The following NADSYN1 variants were observed in gnomAD, a reference collection of about 807,000 sequenced individuals.
NADSYN1 encodes NAD synthetase 1.
NADSYN1 carries 80 observed loss-of-function variants against 99.3 expected under a neutral mutation model. The ratio of observed to expected loss-of-function variants is 0.81; its 90% CI spans 0.67 to 0.97. The LOEUF (loss-of-function observed/expected upper bound fraction) is 0.97, where lower values mean the gene tolerates loss of function less well. Ranked by LOEUF, NADSYN1 falls within the 50% of genes least tolerant of loss-of-function variation. The pLI is 0.00. For synonymous variants in NADSYN1, 385 were observed against 372.1 expected (o/e 1.03, Z -0.40); for missense variants, 859 against 948.5 (o/e 0.91, Z 1.24).
intron 3 of NADSYN1, among the ~76,000 whole-genome samples, chr11:71,461,203 C>T (rs1213243770): frequency 3.3e-5 from 5 of 152,088 alleles, no homozygotes; most frequent in Admixed American, 1.3e-4. Flanking sequence ...GTGAAAGCGC[C>T]GCCCTGATCT....
chr11:71,456,574 T>A (rs1223275326), intron 2 of NADSYN1, among the ~76,000 whole-genome samples: 1 of 152,224 alleles, frequency 6.6e-6, no homozygotes, highest in Non-Finnish European at 1.5e-5. Flanking sequence ...TGGCCTGATG[T>A]TGCCCAGATG....
At chr11:71,470,103 CAA>C (rs572045742) in intron 5 of NADSYN1, among the ~76,000 whole-genome samples, 59 of 152,286 alleles carry the variant, frequency 3.9e-4, no homozygotes, top group African/African-American at 1.2e-3. Context: ...TAGCGGCAGA[CAA>C]GAGAGAATGA....
At chr11:71,477,326 G>T (rs1403153317) in intron 9 of NADSYN1, 11 of 1,288,554 alleles carry the variant, frequency 8.5e-6, no homozygotes, top group Non-Finnish European at 1.1e-5. Context: ...CACACGGACC[G>T]TGGCTTTCTG....
At position 71,474,473 on chromosome 11, in the gene NADSYN1, G is replaced by A. The variant is rs1321466644; in HGVS notation, c.745G>A (p.Ala249Thr). 1.1e-5 allele frequency: 18 copies of A among 1,614,062 alleles called. No homozygotes were observed. The highest frequency in any genetic ancestry group is 1.3e-5 in the African/African-American group (1 of 74,936). Residue 249 changes from alanine to threonine, a missense_variant, in exon 9 of 21, where the codon GCC becomes ACC. Ala to Thr is a moderately conservative substitution (Grantham distance 58). Transcript: ENST00000319023. ...GTACTACGACGGCTGTGCCATGATT[G>A]CCATGAACGGAAGCGTCTTTGCTCA... ...RLYYDGCAMI[A>T]MNGSVFAQGS...
intron 16 of NADSYN1, among the ~76,000 whole-genome samples, chr11:71,489,050 C>T (rs1949762229): frequency 6.6e-6 from 1 of 151,270 alleles, no homozygotes; most frequent in African/African-American, 2.4e-5. Context: ...GGAGAAGGTT[C>T]CAGAGAGAGC....
chr11:71,478,593 G>A (rs939251033), intron 10 of NADSYN1, 124 bp downstream of exon 10: 10 of 866,672 alleles, frequency 1.2e-5, no homozygotes, highest in Admixed American at 8.5e-5. Context: ...GGGAAGTTCC[G>A]GACTTCCCGA....
At chr11:71,498,569 C>A in intron 20 of NADSYN1, 41 bp downstream of exon 20, 1 of 1,598,242 alleles carries the variant, frequency 6.3e-7, no homozygotes, top group South Asian at 1.1e-5. Context: ...TGTTTCATGT[C>A]TGTAGAAGAA....
intron 5 of NADSYN1, among the ~76,000 whole-genome samples, chr11:71,469,244 A>ATTCGAGACCAGCTCAGAAG (rs1199139849): frequency 2.6e-5 from 4 of 152,194 alleles, no homozygotes; most frequent in Non-Finnish European, 5.9e-5. Flanking sequence ...GAAGTTCAGG[A>ATTCGAGACCAGCTCAGAAG]TTCGAGACCA....
chr11:71,471,673 T>TA (rs1275582641), intron 5 of NADSYN1, among the ~76,000 whole-genome samples: 1 of 152,154 alleles, frequency 6.6e-6, no homozygotes, highest in Non-Finnish European at 1.5e-5. Context: ...GAGTGCTCAA[T>TA]ATGGGATGGC....
chr11:71,486,237 G>A (rs1949742115), intron 16 of NADSYN1, among the ~76,000 whole-genome samples: 2 of 152,160 alleles, frequency 1.3e-5, no homozygotes, highest in Non-Finnish European at 1.5e-5. Flanking sequence ...GGAGCTGAGG[G>A]ATTTCAAAAA....
At chr11:71,485,722 A>T in intron 16 of NADSYN1, 74 bp downstream of exon 16, 3 of 1,119,004 alleles carry the variant, frequency 2.7e-6, no homozygotes, top group Non-Finnish European at 3.8e-6. Flanking sequence ...ACGCTGTGAG[A>T]TTCTATCATC....
intron 20 of NADSYN1, 129 bp from the exon 21 acceptor site, chr11:71,501,173 T>C (rs12277408): frequency 0.08 from 65,377 of 816,446 alleles, 4,673 homozygotes; most frequent in African/African-American, 0.3. Flanking sequence ...GCCCAGCATC[T>C]GGTGGGGACT....
At position 71,484,315 on chromosome 11, in the gene NADSYN1, C is replaced by T. The variant is rs113831617; in HGVS notation, c.1323C>T (p.His441=). ...ARELAQQIGS[H]HISLNIDPAV... ...ACGCCTATCCTTCTCCTTCCAGCCA[C>T]CACATCAGTCTCAACATCGATCCAG... The change falls in exon 15 of 21, where the codon CAC becomes CAT. Residue 441 remains histidine, a synonymous_variant. Transcript: ENST00000319023. 20 of 1,613,272 alleles carry T rather than the reference C, an allele frequency of 1.2e-5. No homozygotes were observed. Among genetic ancestry groups the T allele is most frequent in the African/African-American group, 4.0e-5 (3 of 74,946 alleles).
At position 71,477,562 on chromosome 11, in the gene NADSYN1, C is replaced by G; in HGVS notation, c.799-833C>G. 1.1e-5 allele frequency: 7 copies of G among 621,500 alleles called. No individual in the cohort carries two copies. In the South Asian group the frequency reaches 1.3e-4, roughly 12 times the overall value. 38.5% of individuals were successfully genotyped at this position (621,500 alleles called of 1,614,324 possible). On this transcript the variant is annotated intron_variant, in intron 9 of 20. Coordinates refer to ENST00000319023, the MANE Select transcript of NADSYN1 (RefSeq NM_018161.5). Reference sequence around the variant, plus strand: ...CCCACACTCGTGTTTAGCAAGGCAACACTCAGGAACACAATTTGATAAAGA... The same window carrying G: ...CCCACACTCGTGTTTAGCAAGGCAAGACTCAGGAACACAATTTGATAAAGA...
chr11:71,496,337 G>A (rs1949818456), intron 18 of NADSYN1: 1 of 152,338 alleles, frequency 6.6e-6, no homozygotes, highest in South Asian at 2.1e-4. Flanking sequence ...TCCACAAACA[G>A]AGGGTTGGAG....
chr11:71,457,559 C>G (rs1403449239), intron 2 of NADSYN1, among the ~76,000 whole-genome samples: 2 of 152,222 alleles, frequency 1.3e-5, no homozygotes, highest in African/African-American at 4.8e-5. Context: ...GCTGCCGAAA[C>G]AGATAGAAAC....
At chr11:71,475,640 G>A (rs1459242742) in intron 9 of NADSYN1, 1 of 192,920 alleles carries the variant, frequency 5.2e-6, no homozygotes, top group East Asian at 1.5e-4. Context: ...TTATCGCCAT[G>A]GAGGCAAACT....
intron 9 of NADSYN1, chr11:71,476,911 T>C (rs996886995): frequency 5.1e-6 from 5 of 987,874 alleles, no homozygotes; most frequent in Non-Finnish European, 4.8e-6. Flanking sequence ...AGCCGTTGCC[T>C]TACACGTCTC....
chr11:71,461,522 G>A (rs1354133927), intron 3 of NADSYN1, among the ~76,000 whole-genome samples: 6 of 152,186 alleles, frequency 3.9e-5, no homozygotes, highest in African/African-American at 1.4e-4. Context: ...TCTGCCACCC[G>A]GGTTCAAGCG....
Sources: gnomAD v4.1 joint callset for allele counts (sites outside exome capture counted in the v4.1 genomes callset) on GRCh38, gnomAD v4.1.1 for gene constraint, MANE v1.5 for transcripts, NCBI Gene and HGNC (gene_info 2026-07-23, HGNC 2026-07-21) for gene names.